DSCAM: variants seen among roughly 807,000 people sequenced by gnomAD.
DSCAM encodes the protein cell adhesion molecule DSCAM.
Under a neutral mutation model 217.7 loss-of-function variants are expected in DSCAM, and 47 were observed. The observed-to-expected ratio is 0.22, with a 90% CI of 0.17 to 0.28. DSCAM has a LOEUF of 0.28. Among genes scored for constraint, DSCAM ranks in the 10% least tolerant of loss-of-function variants. The pLI is 1.00. For missense variants in DSCAM, 2,080 were observed against 2,618.3 expected, an observed-to-expected ratio of 0.79 and a Z score of 4.49; for synonymous variants, 1,056 against 1,015.3, an observed-to-expected ratio of 1.04 and a Z score of -0.76.
At chr21:40,504,338 A>T (rs2076193811) in intron 3 of DSCAM, among the ~76,000 whole-genome samples, 1 of 152,138 alleles carries the variant, frequency 6.6e-6, no homozygotes, top group Non-Finnish European at 1.5e-5. Context: ...AGCAATGGTG[A>T]TGGCCACGGG....
intron 3 of DSCAM, among the ~76,000 whole-genome samples, chr21:40,659,473 C>T (rs1245483850): frequency 2.0e-5 from 3 of 152,072 alleles, no homozygotes; most frequent in Non-Finnish European, 2.9e-5. Flanking sequence ...TATCTATCTA[C>T]TATCCATCTA....
At position 40,312,381 on chromosome 21, in the gene DSCAM, A is replaced by G. The variant is rs900032051; in HGVS notation, c.1784-22T>C. On this transcript the variant is annotated intron_variant, in intron 8 of 32. Coordinates refer to ENST00000400454, the MANE Select transcript of DSCAM (RefSeq NM_001389.5). ...GGAACTGCAAGAAAAAAGAAAGATA[A>G]TAACGAACTGTGCTTATTCTACATT... is the stretch of plus-strand genomic sequence containing the variant. 17 of 1,609,456 alleles carry G rather than the reference A, an allele frequency of 1.1e-5. No individual in the cohort carries two copies. In the Admixed American group the frequency reaches 1.5e-4, roughly 14 times the overall value.
intron 11 of DSCAM, among the ~76,000 whole-genome samples, chr21:40,199,902 GC>G (rs1297610672): frequency 6.6e-6 from 1 of 151,410 alleles, no homozygotes; most frequent in Non-Finnish European, 1.5e-5. Context: ...TAACAAACCT[GC>G]ACATTCTGCA....
At chr21:40,770,320 A>G (rs1027514222) in intron 1 of DSCAM, among the ~76,000 whole-genome samples, 2 of 152,114 alleles carry the variant, frequency 1.3e-5, no homozygotes, top group African/African-American at 2.4e-5. Context: ...ACTTTTCAAT[A>G]TTTTCTTTCT....
chr21:40,523,504 G>A (rs1031438176), intron 3 of DSCAM, among the ~76,000 whole-genome samples: 5 of 152,094 alleles, frequency 3.3e-5, no homozygotes, highest in Non-Finnish European at 7.4e-5. Context: ...GCAGAGTTTC[G>A]GGGAGGCAGA....
intron 3 of DSCAM, among the ~76,000 whole-genome samples, chr21:40,431,948 C>G (rs1432619498): frequency 6.6e-6 from 1 of 152,076 alleles, no homozygotes; most frequent in Non-Finnish European, 1.5e-5. Context: ...GCCTGTAGTC[C>G]CAGCACTTTG....
At chr21:40,103,287 C>G (rs906853808) in intron 20 of DSCAM, among the ~76,000 whole-genome samples, 2 of 151,714 alleles carry the variant, frequency 1.3e-5, no homozygotes, top group African/African-American at 4.8e-5. Flanking sequence ...ATTAAAAAAA[C>G]TTGAAGGCTG....
chr21:40,689,177 T>C (rs1472555179), intron 3 of DSCAM, among the ~76,000 whole-genome samples: 1 of 152,244 alleles, frequency 6.6e-6, no homozygotes, highest in African/African-American at 2.4e-5. Context: ...CCATTTTGCT[T>C]CTTTTTAGGG....
rs150417533 is a variant in DSCAM at position 40,731,713 on chromosome 21, C to A, written c.44-22942G>T. ...TACAGGCCACATTTTAACTTAATTA[C>A]CTCCTTCCCACTGCACCCCCCCCCC... On this transcript the variant is annotated intron_variant, in intron 1 of 32. Transcript: ENST00000400454. Among the ~76,000 whole-genome samples, 808 of 150,674 alleles carry A rather than the reference C, an allele frequency of 5.4e-3. 12 individuals carry two copies. The highest frequency in any genetic ancestry group is 0.019 in the African/African-American group (767 of 40,724).
chr21:40,375,798 A>C (rs574982142), intron 3 of DSCAM, among the ~76,000 whole-genome samples: 3 of 152,204 alleles, frequency 2.0e-5, no homozygotes, highest in African/African-American at 7.2e-5. Flanking sequence ...TATTCAAAAC[A>C]TCCTTTCCTA....
At chr21:40,834,441 TAATA>T (rs2092040449) in intron 1 of DSCAM, among the ~76,000 whole-genome samples, 1 of 126,528 alleles carries the variant, frequency 7.9e-6, no homozygotes, top group South Asian at 2.9e-4. Context: ...ATAATAATAA[TAATA>T]ATAATAATAA....
intron 3 of DSCAM, among the ~76,000 whole-genome samples, chr21:40,692,230 A>C (rs1237165154): frequency 6.6e-6 from 1 of 152,258 alleles, no homozygotes; most frequent in Non-Finnish European, 1.5e-5. Context: ...ATTAGAAATG[A>C]AGAACTGCAG....
chr21:40,540,916 T>C (rs558409225), intron 3 of DSCAM, among the ~76,000 whole-genome samples: 1 of 146,308 alleles, frequency 6.8e-6, no homozygotes, highest in Non-Finnish European at 1.5e-5. Context: ...TTTTTAAAGA[T>C]GGGGTTTCGC....
intron 3 of DSCAM, among the ~76,000 whole-genome samples, chr21:40,444,681 C>G (rs2075659983): frequency 6.6e-6 from 1 of 152,208 alleles, no homozygotes; most frequent in African/African-American, 2.4e-5. Flanking sequence ...GGGCCTGATC[C>G]TCTTATCTGG....
chr21:40,113,235 C>T (rs539035113), intron 20 of DSCAM, among the ~76,000 whole-genome samples: 16 of 152,176 alleles, frequency 1.1e-4, no homozygotes, highest in Non-Finnish European at 2.1e-4. Flanking sequence ...GGCTTCATCC[C>T]TGGGATGCAA....
intron 3 of DSCAM, among the ~76,000 whole-genome samples, chr21:40,651,042 G>C (rs2146359658): frequency 6.6e-6 from 1 of 152,284 alleles, no homozygotes; most frequent in Admixed American, 6.5e-5. Context: ...AAAATCTGGA[G>C]TATAACCCAT....
intron 3 of DSCAM, among the ~76,000 whole-genome samples, chr21:40,485,539 GCC>G (rs545323755): frequency 9.8e-4 from 149 of 152,116 alleles, no homozygotes; most frequent in African/African-American, 2.9e-3. Context: ...ACCGCGCCCG[GCC>G]CACACTGACT....
intron 32 of DSCAM, among the ~76,000 whole-genome samples, chr21:40,033,688 C>T (rs1241713788): frequency 1.3e-5 from 2 of 151,774 alleles, no homozygotes; most frequent in East Asian, 3.9e-4. Flanking sequence ...TCAAGGAGGC[C>T]TGCCTGCCTG....
At chr21:40,079,026 C>A in intron 25 of DSCAM, 49 bp from the exon 26 acceptor site, 1 of 1,579,714 alleles carries the variant, frequency 6.3e-7, no homozygotes. Context: ...CATGGGGAGG[C>A]CATCAGCATC....
Sources: gnomAD v4.1 joint callset for allele counts (sites outside exome capture counted in the v4.1 genomes callset) on GRCh38, gnomAD v4.1.1 for gene constraint, MANE v1.5 for transcripts, NCBI Gene and HGNC (gene_info 2026-07-23, HGNC 2026-07-21) for gene names.